B4GALNT3: variants seen among roughly 807,000 people sequenced by gnomAD.
B4GALNT3 encodes the protein beta-1,4-N-acetyl-galactosaminyltransferase 3.
In B4GALNT3, 86 loss-of-function variants were observed where a neutral mutation model predicts 120.2. The observed-to-expected ratio is 0.72, with a 90% confidence interval of 0.60 to 0.86. The LOEUF (loss-of-function observed/expected upper bound fraction) is 0.86, where lower values mean the gene tolerates loss of function less well. B4GALNT3 is among the 40% of genes least tolerant of loss of function. The pLI, the probability that B4GALNT3 is intolerant of heterozygous loss-of-function variation, is 0.00. For synonymous variants in B4GALNT3, 518 were observed against 510.4 expected (o/e 1.01, Z -0.20); for missense variants, 1,167 against 1,298.9 (o/e 0.90, Z 1.56).
intron 1 of B4GALNT3, among the ~76,000 whole-genome samples, chr12:489,020 A>G (rs1470820931): frequency 3.3e-5 from 5 of 152,112 alleles, no homozygotes; most frequent in Admixed American, 6.6e-5. Flanking sequence ...TTGCAGGGAC[A>G]TGGATGAAGC....
At chr12:509,826 C>A (rs554051585) in intron 1 of B4GALNT3, among the ~76,000 whole-genome samples, 11 of 152,300 alleles carry the variant, frequency 7.2e-5, no homozygotes, top group Admixed American at 3.9e-4. Flanking sequence ...CAGTGCCATG[C>A]TCAGCAAGGC....
intron 14 of B4GALNT3, among the ~76,000 whole-genome samples, chr12:555,787 A>T (rs1003330711): frequency 2.7e-5 from 4 of 147,392 alleles, no homozygotes; most frequent in East Asian, 2.0e-4. Context: ...TTTTATTTTT[A>T]TTTATTTTTT....
At position 545,480 on chromosome 12, in the gene B4GALNT3, C is replaced by T. The variant is rs763660446; in HGVS notation, c.639+11C>T. 5.0e-6 allele frequency: 8 copies of T among 1,586,732 alleles called. No homozygotes were observed. Among genetic ancestry groups the T allele is most frequent in the Non-Finnish European group, 6.9e-6 (8 of 1,166,460 alleles). On this transcript the variant is annotated intron_variant, in intron 6 of 19. Coordinates refer to ENST00000266383, the MANE Select transcript of B4GALNT3 (RefSeq NM_173593.4). ...GCCAGTGTGGGCAAGGTAAGGCCAG[C>T]TCAACCCCGGTCCCTCCCATCTGCT...
chr12:512,726 CCTT>C (rs1946603661), intron 1 of B4GALNT3, among the ~76,000 whole-genome samples: 1 of 145,912 alleles, frequency 6.9e-6, no homozygotes, highest in Non-Finnish European at 1.5e-5. Context: ...CCACCTTCCA[CCTT>C]CTTCCACCTT....
chr12:539,824 T>A (rs1273131111), intron 3 of B4GALNT3, among the ~76,000 whole-genome samples: 1 of 152,172 alleles, frequency 6.6e-6, no homozygotes, highest in East Asian at 1.9e-4. Context: ...GGAAAAAGGA[T>A]TGCTTGAGGC....
intron 1 of B4GALNT3, among the ~76,000 whole-genome samples, chr12:515,977 A>AAC (rs141833807): frequency 0.034 from 5,174 of 151,634 alleles, 268 homozygotes; most frequent in African/African-American, 0.12. Flanking sequence ...CTCTACTAAA[A>AAC]ACACACACAC....
At chr12:470,317 C>T (rs1946123491) in intron 1 of B4GALNT3, among the ~76,000 whole-genome samples, 1 of 152,250 alleles carries the variant, frequency 6.6e-6, no homozygotes, top group Admixed American at 6.5e-5. Flanking sequence ...TTAAAGGCCT[C>T]CCTGCTGAGA....
intron 3 of B4GALNT3, among the ~76,000 whole-genome samples, chr12:542,044 C>T (rs1592049688): frequency 1.3e-5 from 2 of 152,202 alleles, no homozygotes; most frequent in East Asian, 3.9e-4. Flanking sequence ...CACAATGTCC[C>T]CATTCTTTCC....
intron 1 of B4GALNT3, among the ~76,000 whole-genome samples, chr12:502,858 A>G (rs1238992865): frequency 6.6e-6 from 1 of 152,128 alleles, no homozygotes; most frequent in African/African-American, 2.4e-5. Flanking sequence ...GGCTCAAGCA[A>G]TCCTACCACC....
chr12:526,777 G>A (rs553849146), intron 1 of B4GALNT3, among the ~76,000 whole-genome samples: 5 of 152,232 alleles, frequency 3.3e-5, no homozygotes, highest in African/African-American at 9.6e-5. Flanking sequence ...TCAAATTCGT[G>A]GCTTGGAAAA....
intron 1 of B4GALNT3, among the ~76,000 whole-genome samples, chr12:530,951 T>C (rs1946800815): frequency 6.6e-6 from 1 of 152,184 alleles, no homozygotes; most frequent in Admixed American, 6.5e-5. Context: ...GTCTGTCTCC[T>C]GGCACAAATG....
intron 7 of B4GALNT3, among the ~76,000 whole-genome samples, chr12:547,269 C>T (rs1377678489): frequency 1.3e-5 from 2 of 152,140 alleles, no homozygotes; most frequent in Non-Finnish European, 2.9e-5. Context: ...TTCTGATGCT[C>T]GACAGCACAG....
chr12:460,441 G>T lies in B4GALNT3; in HGVS notation c.65G>T (p.Arg22Leu). 2 of 1,570,796 alleles carry T rather than the reference G, an allele frequency of 1.3e-6. No homozygotes were observed. Among genetic ancestry groups the T allele is most frequent in the Non-Finnish European group, 1.7e-6 (2 of 1,161,208 alleles). ...CGCCCGGTGAAGCTGCTGCGGAGGC[G>T]CTTCCGGCTGCTGCTGGCGCTCGCC... is the stretch of plus-strand genomic sequence containing the variant. ...LLRPVKLLRRRFRLLLALAVV... is the reference protein window; with the variant it reads ...LLRPVKLLRRLFRLLLALAVV... The change falls in exon 1 of 20, where the codon CGC becomes CTC. Residue 22 changes from arginine (R) to leucine (L), a missense_variant. Coordinates refer to ENST00000266383, the MANE Select transcript of B4GALNT3 (RefSeq NM_173593.4). The surrounding 1 kb of genome is among the most constrained non-coding windows in gnomAD (Gnocchi z 8.0).
At chr12:510,070 G>A (rs1481921572) in intron 1 of B4GALNT3, among the ~76,000 whole-genome samples, 3 of 152,172 alleles carry the variant, frequency 2.0e-5, no homozygotes. Context: ...TTGGAGCCTG[G>A]AGAAATAATC....
At chr12:521,248 C>T (rs752175251) in intron 1 of B4GALNT3, among the ~76,000 whole-genome samples, 13 of 152,116 alleles carry the variant, frequency 8.5e-5, no homozygotes, top group African/African-American at 1.2e-4. Flanking sequence ...TCCACCACCA[C>T]GGGACACCTG....
At chr12:487,659 G>T (rs1377163541) in intron 1 of B4GALNT3, among the ~76,000 whole-genome samples, 6 of 151,572 alleles carry the variant, frequency 4.0e-5, no homozygotes, top group Non-Finnish European at 7.4e-5. Flanking sequence ...GTTGCAGTGA[G>T]CCGAGATCGT....
intron 1 of B4GALNT3, among the ~76,000 whole-genome samples, chr12:512,402 G>GACTTTCC (rs1555155203): frequency 2.3e-5 from 1 of 43,572 alleles, no homozygotes; most frequent in Non-Finnish European, 3.8e-5. Flanking sequence ...TTCCACCTTT[G>GACTTTCC]ACCTTCCACC....
intron 1 of B4GALNT3, among the ~76,000 whole-genome samples, chr12:504,689 G>A (rs1483440075): frequency 2.6e-5 from 4 of 152,092 alleles, no homozygotes; most frequent in Non-Finnish European, 5.9e-5. Flanking sequence ...TCCAGCCTGA[G>A]CAACAGAGTG....
At chr12:507,606 C>A (rs1413603853) in intron 1 of B4GALNT3, among the ~76,000 whole-genome samples, 2 of 151,854 alleles carry the variant, frequency 1.3e-5, no homozygotes, top group African/African-American at 4.9e-5. Flanking sequence ...CCTCACCCCA[C>A]ACCCTACGCC....
Sources: allele counts gnomAD v4.1 joint callset (sites outside exome capture counted in the v4.1 genomes callset), GRCh38; gene constraint gnomAD v4.1.1; non-coding constraint Gnocchi (gnomAD v3.1); transcripts MANE v1.5; gene names NCBI Gene and HGNC (gene_info 2026-07-23, HGNC 2026-07-21).